The following FRMD5 variants were observed in gnomAD, a reference collection of about 807,000 sequenced individuals.
FRMD5 encodes the protein FERM domain containing 5, also known as FERM domain-containing protein 5.
In FRMD5, 20 loss-of-function variants were observed where a neutral mutation model predicts 69.0. The ratio of observed to expected loss-of-function variants is 0.29; its 90% CI spans 0.20 to 0.42. FRMD5 has a LOEUF of 0.42. Among genes scored for constraint, FRMD5 ranks in the 10% least tolerant of loss-of-function variants. The probability of loss-of-function intolerance (pLI) is 1.00; values close to 1 mark genes in which losing one functional copy is unlikely to be tolerated. For missense variants in FRMD5, 595 were observed against 708.6 expected (o/e 0.84, Z 1.82); for synonymous variants, 271 against 260.1 (o/e 1.04, Z -0.40).
At chr15:44,033,253 C>T (rs770639510) in intron 1 of FRMD5, among the ~76,000 whole-genome samples, 2 of 151,690 alleles carry the variant, frequency 1.3e-5, no homozygotes, top group African/African-American at 4.8e-5. Context: ...GGGGAGGATG[C>T]GAGGAGAGAA....
intron 1 of FRMD5, among the ~76,000 whole-genome samples, chr15:43,957,133 C>A (rs2090127312): frequency 6.6e-6 from 1 of 152,112 alleles, no homozygotes; most frequent in South Asian, 2.1e-4. Flanking sequence ...ACCTTGTTTA[C>A]AGATGTGAGA....
At chr15:44,083,059 G>A (rs1227969115) in intron 1 of FRMD5, among the ~76,000 whole-genome samples, 1 of 152,052 alleles carries the variant, frequency 6.6e-6, no homozygotes, top group East Asian at 1.9e-4. Flanking sequence ...TTCATGACAA[G>A]CTTCTCAAAC....
intron 1 of FRMD5, among the ~76,000 whole-genome samples, chr15:44,113,058 T>C (rs774091786): frequency 6.6e-6 from 1 of 152,222 alleles, no homozygotes; most frequent in African/African-American, 2.4e-5. Flanking sequence ...TCTTTAACTT[T>C]TGCCCTTCTA....
At chr15:43,880,313 G>A (rs145640339) in intron 13 of FRMD5, among the ~76,000 whole-genome samples, 90 of 152,300 alleles carry the variant, frequency 5.9e-4, no homozygotes, top group Middle Eastern at 3.4e-3. Flanking sequence ...ATTCCTTGGG[G>A]TTTTTGTTGG....
At chr15:44,008,089 ATTTT>A (rs35785368) in intron 1 of FRMD5, among the ~76,000 whole-genome samples, 2 of 62,818 alleles carry the variant, frequency 3.2e-5, no homozygotes, top group East Asian at 4.5e-4. Flanking sequence ...ACAATCGGCA[ATTTT>A]TTTTTTTTTT....
At chr15:43,928,453 A>G (rs138186203) in intron 1 of FRMD5, among the ~76,000 whole-genome samples, 9 of 152,322 alleles carry the variant, frequency 5.9e-5, no homozygotes, top group Non-Finnish European at 1.2e-4. Context: ...AGGCACTCAC[A>G]CCTGTGGCTG....
intron 1 of FRMD5, among the ~76,000 whole-genome samples, chr15:43,965,576 CTTTT>C (rs35986581): frequency 5.4e-5 from 6 of 110,378 alleles, no homozygotes; most frequent in African/African-American, 1.0e-4. Flanking sequence ...TTTAAAAAGT[CTTTT>C]TTTTTTTTTT....
In FRMD5 at chr15:43,874,122, TTCC is replaced by T. The variant is rs749488267; in HGVS notation, c.1473_1475del (p.Glu492del). On this transcript the variant is annotated inframe_deletion, in exon 14 of 14. Coordinates refer to ENST00000417257, the MANE Select transcript of FRMD5 (RefSeq NM_032892.5). The stretch of plus-strand genomic sequence containing the variant: ...CACTTAGAACAAACTTATTCACCTG[TTCC>T]TCCTCGGGCCCGCTGTGCCCCTGAC... The T allele has an allele frequency of 3.1e-5, 50 of 1,614,194 alleles. No individual in the cohort carries two copies. The highest frequency in any genetic ancestry group is 4.2e-5 in the Non-Finnish European group (50 of 1,180,032).
chr15:43,898,814 G>A (rs1391072626), intron 7 of FRMD5, among the ~76,000 whole-genome samples: 2 of 152,228 alleles, frequency 1.3e-5, no homozygotes, highest in Non-Finnish European at 2.9e-5. Context: ...ATGCAGGACA[G>A]CCTTGTCCTG....
chr15:43,964,272 C>T (rs547474904), intron 1 of FRMD5, among the ~76,000 whole-genome samples: 2 of 151,780 alleles, frequency 1.3e-5, no homozygotes, highest in Non-Finnish European at 2.9e-5. Context: ...TTCAGTGATG[C>T]CTTTTTCCGT....
intron 1 of FRMD5, among the ~76,000 whole-genome samples, chr15:44,127,834 C>T (rs1001474627): frequency 1.3e-5 from 2 of 151,952 alleles, no homozygotes; most frequent in Non-Finnish European, 2.9e-5. Context: ...ATCTCACCAC[C>T]GCACTCCAGC....
chr15:43,905,085 C>T (rs2089138272), intron 6 of FRMD5, among the ~76,000 whole-genome samples: 3 of 151,760 alleles, frequency 2.0e-5, no homozygotes, highest in Admixed American at 1.3e-4. Context: ...CACACTGTCA[C>T]AGACTAAGAG....
intron 1 of FRMD5, among the ~76,000 whole-genome samples, chr15:43,945,710 C>T (rs1023488135): frequency 1.1e-4 from 17 of 152,058 alleles, no homozygotes; most frequent in African/African-American, 2.4e-4. Flanking sequence ...GGCATATGGA[C>T]GGGAGGGCAC....
At chr15:44,101,450 C>T (rs1250497053) in intron 1 of FRMD5, 1 of 152,630 alleles carries the variant, frequency 6.6e-6, no homozygotes, top group Admixed American at 6.5e-5. Context: ...CATTAACTAA[C>T]CTACTTACTA....
chr15:44,059,339 A>C (rs893802749), intron 1 of FRMD5, among the ~76,000 whole-genome samples: 12 of 152,192 alleles, frequency 7.9e-5, no homozygotes, highest in Admixed American at 3.3e-4. Context: ...ATGCTATGAT[A>C]GAGTCTGCAT....
chr15:43,874,834 A>T (rs1021422477), intron 13 of FRMD5, among the ~76,000 whole-genome samples: 5 of 152,196 alleles, frequency 3.3e-5, no homozygotes, highest in Admixed American at 2.0e-4. Context: ...CGGGAGGCGG[A>T]GGTTGCAGTG....
intron 1 of FRMD5, among the ~76,000 whole-genome samples, chr15:44,054,504 C>G (rs917438772): frequency 2.0e-5 from 3 of 152,080 alleles, no homozygotes; most frequent in Non-Finnish European, 4.4e-5. Context: ...ACATCTAATA[C>G]AAAGAATGGT....
At chr15:43,955,634 T>C (rs1326655522) in intron 1 of FRMD5, among the ~76,000 whole-genome samples, 1 of 143,532 alleles carries the variant, frequency 7.0e-6, no homozygotes, top group Non-Finnish European at 1.6e-5. Context: ...CCATCAAACC[T>C]GAATAAGTTT....
Position 44,043,534 on chromosome 15 carries a change from G to T in FRMD5, c.103-119225C>A, listed in dbSNP as rs559087154. Among the ~76,000 whole-genome samples, 6 of 152,176 alleles carry T rather than the reference G, an allele frequency of 3.9e-5. No individual in the cohort carries two copies. In the South Asian group the frequency reaches 1.2e-3, roughly 32 times the overall value. ...ACCTGACTTCAAACTATACTACAAG[G>T]CTACAGTAACAAAAACAGCATGGTA... On this transcript the variant is annotated intron_variant, in intron 1 of 13. Transcript: ENST00000417257.
Sources: gnomAD v4.1 joint callset for allele counts (sites outside exome capture counted in the v4.1 genomes callset) on GRCh38, gnomAD v4.1.1 for gene constraint, MANE v1.5 for transcripts, NCBI Gene and HGNC (gene_info 2026-07-23, HGNC 2026-07-21) for gene names.